Variants in TNPO1 observed in about 807,000 individuals in gnomAD.
TNPO1 encodes the protein transportin-1.
A neutral mutation model predicts 119.5 loss-of-function variants in TNPO1; 8 were observed. The ratio of observed to expected loss-of-function variants is 0.07; its 90% CI spans 0.04 to 0.12. The LOEUF is 0.12. Ranked by LOEUF, TNPO1 falls within the 10% of genes least tolerant of loss-of-function variation. TNPO1 has a pLI of 1.00. For synonymous variants in TNPO1, 362 were observed against 363.0 expected, an observed-to-expected ratio of 1.00 and a Z score of 0.03; for missense variants, 576 against 1,089.8, an observed-to-expected ratio of 0.53 and a Z score of 6.64.
chr5:72,880,770 C>T (rs1285727457), intron 9 of TNPO1, among the ~76,000 whole-genome samples: 5 of 141,194 alleles, frequency 3.5e-5, no homozygotes, highest in South Asian at 4.5e-4. Flanking sequence ...GAGCCAAGAT[C>T]GTGCCATTGC....
chr5:72,912,023 A>G lies in TNPO1; in HGVS notation c.*3350A>G, dbSNP rs1478221344. 1 of 152,466 alleles carries G rather than the reference A, an allele frequency of 6.6e-6. No homozygotes were observed. Among genetic ancestry groups the G allele is most frequent in the Admixed American group, 6.6e-5 (1 of 15,258 alleles). 9.4% of individuals were successfully genotyped at this position (152,466 alleles called of 1,614,324 possible). On this transcript the variant is annotated 3_prime_UTR_variant, in exon 25 of 25. Coordinates refer to ENST00000337273, the MANE Select transcript of TNPO1 (RefSeq NM_002270.4). ...ACAGGTATTCATTTATTCAGGAAAG[A>G]ATTTTGCTTTTTGTATTGTCTAATC...
chr5:72,908,065 A>G (rs927421616), intron 24 of TNPO1, among the ~76,000 whole-genome samples: 5 of 152,102 alleles, frequency 3.3e-5, no homozygotes, highest in Non-Finnish European at 7.4e-5. Flanking sequence ...AAATAAATAA[A>G]TAAATGTTAA....
intron 9 of TNPO1, among the ~76,000 whole-genome samples, chr5:72,882,245 A>G (rs75337059): frequency 6.6e-6 from 1 of 152,338 alleles, no homozygotes; most frequent in East Asian, 1.9e-4. Flanking sequence ...TGGCTGGCCC[A>G]CATTTCTTAA....
rs1749095750 is a variant in TNPO1, at chr5:72,892,025, T to A, written c.1788+129T>A. ...TAGACGGAGGAAATTATATGATACATACTGTTCTCTAACCTGCTTTACTTA... is the reference window on the plus strand; with the variant it reads ...TAGACGGAGGAAATTATATGATACAAACTGTTCTCTAACCTGCTTTACTTA... On this transcript the variant is annotated intron_variant, in intron 15 of 24. Transcript: ENST00000337273. 9.3e-5 allele frequency: 60 copies of A among 645,548 alleles called. No homozygotes were observed. In the South Asian group the frequency reaches 1.3e-3, roughly 14 times the overall value. 40.0% of individuals were successfully genotyped at this position (645,548 alleles called of 1,614,324 possible).
chr5:72,818,752 GT>G (rs1743812717), intron 1 of TNPO1, among the ~76,000 whole-genome samples: 1 of 151,324 alleles, frequency 6.6e-6, no homozygotes. Context: ...CCTCAAAACA[GT>G]TTGGTTTACC....
Position 72,816,728 on chromosome 5 carries a change from G to T in TNPO1, c.-10G>T, listed in dbSNP as rs754912206. The T allele has an allele frequency of 6.3e-7, 1 of 1,578,302 alleles. No individual in the cohort carries two copies. ...TTCGGCCGAAGGCCCGAGCGCCCGA[G>T]GCGTCTGGGATGGTGTGGGACCGGG... On this transcript the variant is annotated 5_prime_UTR_variant, in exon 1 of 25. It adds an upstream start codon to the 5' untranslated region. Transcript: ENST00000337273.
intron 1 of TNPO1, among the ~76,000 whole-genome samples, chr5:72,820,101 G>A (rs1743887227): frequency 6.6e-6 from 1 of 151,960 alleles, no homozygotes; most frequent in Admixed American, 6.6e-5. Context: ...ACTTTACTAT[G>A]TGAGTAATTT....
intron 1 of TNPO1, among the ~76,000 whole-genome samples, chr5:72,831,045 G>T (rs1011324951): frequency 6.6e-6 from 1 of 151,890 alleles, no homozygotes; most frequent in South Asian, 2.1e-4. Context: ...AGTTTTCTTC[G>T]GCAGAAAAAT....
chr5:72,833,765 T>C (rs1421669600), intron 1 of TNPO1, among the ~76,000 whole-genome samples: 1 of 152,226 alleles, frequency 6.6e-6, no homozygotes. Context: ...TTTATACTCA[T>C]GAATTTTTAT....
chr5:72,913,300 A>G lies in TNPO1; in HGVS notation c.*4627A>G, dbSNP rs999894825. On this transcript the variant is annotated 3_prime_UTR_variant, in exon 25 of 25. Coordinates refer to ENST00000337273, the MANE Select transcript of TNPO1 (RefSeq NM_002270.4). Reference sequence around the variant, plus strand: ...AAGTGAATTGTGACTAATTTTTTCAATCTTACATAGATCTTTCACCCATTA... The same window carrying G: ...AAGTGAATTGTGACTAATTTTTTCAGTCTTACATAGATCTTTCACCCATTA... 3.3e-5 allele frequency: 5 copies of G among 152,466 alleles called. No homozygotes were observed. Among genetic ancestry groups the G allele is most frequent in the African/African-American group, 4.8e-5 (2 of 41,424 alleles). The allele number at this position is 152,466 out of a possible 1,614,324, so 9.4% of individuals were successfully genotyped here. A position where few individuals can be genotyped will look rare whatever the true frequency, so the allele number is the denominator to read the frequency against.
In TNPO1 at chr5:72,889,767, T is replaced by C; in HGVS notation, c.1530-19T>C. 2 of 1,520,200 alleles carry C rather than the reference T, an allele frequency of 1.3e-6. No individual in the cohort carries two copies. Among genetic ancestry groups the C allele is most frequent in the Non-Finnish European group, 1.8e-6 (2 of 1,129,972 alleles). 94.2% of individuals were successfully genotyped at this position (1,520,200 alleles called of 1,614,324 possible). A position where few individuals can be genotyped will look rare whatever the true frequency, so the allele number is the denominator to read the frequency against. On this transcript the variant is annotated intron_variant, in intron 13 of 24. Coordinates refer to ENST00000337273, the MANE Select transcript of TNPO1 (RefSeq NM_002270.4). Reference sequence around the variant, plus strand: ...TATCTTACAGTCAATAAGTATTCTTTTTTTTTTTTTTTAAACAGTGCCTTT... The same window carrying C: ...TATCTTACAGTCAATAAGTATTCTTCTTTTTTTTTTTTAAACAGTGCCTTT...
chr5:72,864,888 C>G (rs1440818594), intron 5 of TNPO1, among the ~76,000 whole-genome samples: 1 of 151,926 alleles, frequency 6.6e-6, no homozygotes, highest in Non-Finnish European at 1.5e-5. Flanking sequence ...GGATTACAGG[C>G]TTGAGCCACC....
intron 1 of TNPO1, among the ~76,000 whole-genome samples, chr5:72,818,956 C>G (rs1743823125): frequency 6.6e-6 from 1 of 152,152 alleles, no homozygotes; most frequent in Non-Finnish European, 1.5e-5. Context: ...GTGAAGGAGT[C>G]TTCTGGGTTG....
chr5:72,856,209 T>A (rs927346733), intron 4 of TNPO1, among the ~76,000 whole-genome samples: 2 of 152,142 alleles, frequency 1.3e-5, no homozygotes, highest in African/African-American at 4.8e-5. Context: ...CACTACTTTT[T>A]CTTGAGCATG....
intron 11 of TNPO1, 83 bp from the exon 12 acceptor site, chr5:72,886,987 C>A: frequency 1.6e-6 from 2 of 1,214,344 alleles, no homozygotes; most frequent in East Asian, 3.0e-5. Flanking sequence ...ATTAGAGATA[C>A]GAATAAAATG....
At chr5:72,832,141 A>G (rs145165026) in intron 1 of TNPO1, among the ~76,000 whole-genome samples, 1 of 152,216 alleles carries the variant, frequency 6.6e-6, no homozygotes, top group African/African-American at 2.4e-5. Flanking sequence ...ATGAAAATGT[A>G]TATGGCTCAA....
At chr5:72,820,313 A>C (rs1259811083) in intron 1 of TNPO1, among the ~76,000 whole-genome samples, 2 of 152,210 alleles carry the variant, frequency 1.3e-5, no homozygotes, top group Non-Finnish European at 2.9e-5. Context: ...AAAAATACTG[A>C]GTCAAAGTAA....
At chr5:72,901,446 G>C (rs1389856798) in intron 22 of TNPO1, among the ~76,000 whole-genome samples, 2 of 152,130 alleles carry the variant, frequency 1.3e-5, no homozygotes, top group African/African-American at 4.8e-5. Context: ...TAGGAATACT[G>C]TCTCTCTATT....
At chr5:72,898,915 T>C (rs1483775202) in intron 20 of TNPO1, among the ~76,000 whole-genome samples, 1 of 152,130 alleles carries the variant, frequency 6.6e-6, no homozygotes, top group African/African-American at 2.4e-5. Context: ...GGTTAACCTG[T>C]AAGTTTTTGA....
Sources: allele counts gnomAD v4.1 joint callset (sites outside exome capture counted in the v4.1 genomes callset), GRCh38; gene constraint gnomAD v4.1.1; transcripts MANE v1.5; gene names NCBI Gene and HGNC (gene_info 2026-07-23, HGNC 2026-07-21).